The following NBEA variants were observed in gnomAD, a reference collection of about 807,000 sequenced individuals.
The protein encoded by NBEA is neurobeachin.
In NBEA, 44 loss-of-function variants were observed where a neutral mutation model predicts 343.4. The observed-to-expected ratio is 0.13, with a 90% CI of 0.10 to 0.16. The LOEUF (loss-of-function observed/expected upper bound fraction) is 0.16, where lower values mean the gene tolerates loss of function less well. NBEA is among the 10% of genes least tolerant of loss of function. The pLI is 1.00. For missense variants in NBEA, 2,555 were observed against 3,631.3 expected, an observed-to-expected ratio of 0.70 and a Z score of 7.62; for synonymous variants, 1,175 against 1,238.7, an observed-to-expected ratio of 0.95 and a Z score of 1.08.
intron 47 of NBEA, among the ~76,000 whole-genome samples, chr13:35,599,132 C>G (rs2081937920): frequency 6.6e-6 from 1 of 152,110 alleles, no homozygotes; most frequent in South Asian, 2.1e-4. Flanking sequence ...GGGACTGCTT[C>G]CAATAACAAC....
intron 48 of NBEA, among the ~76,000 whole-genome samples, chr13:35,614,328 C>T (rs775794869): frequency 1.4e-4 from 22 of 152,132 alleles, no homozygotes; most frequent in Non-Finnish European, 2.6e-4. Flanking sequence ...TCAAGTTTAT[C>T]ATCCTGAGTA....
At chr13:35,481,104 G>C (rs917256160) in intron 41 of NBEA, among the ~76,000 whole-genome samples, 1 of 151,886 alleles carries the variant, frequency 6.6e-6, no homozygotes, top group African/African-American at 2.4e-5. Context: ...ACTGATAAAG[G>C]CCTTTGCCTC....
rs186590148 is a variant in NBEA at position 35,129,433 on chromosome 13, C to G, written c.2336+5859C>G. 2.7e-3 allele frequency among the ~76,000 whole-genome samples: 404 copies of G among 150,664 alleles called. 3 individuals carry two copies. Among genetic ancestry groups the G allele is most frequent in the South Asian group, 0.021 (98 of 4,722 alleles). The stretch of plus-strand genomic sequence containing the variant: ...AAAACAAGGTAATTTAAAAATAAAC[C>G]ATGTAATTAAAAAAACCCTAAGTAA... On this transcript the variant is annotated intron_variant, in intron 17 of 58. Transcript: ENST00000379939.
intron 41 of NBEA, chr13:35,475,244 G>A (rs776765864): frequency 1.2e-6 from 2 of 1,613,940 alleles, no homozygotes; most frequent in Non-Finnish European, 1.7e-6. Context: ...CCGTTCAGCC[G>A]ATCACCCAGG....
At chr13:35,055,576 T>C (rs138564834) in intron 6 of NBEA, among the ~76,000 whole-genome samples, 109 of 152,294 alleles carry the variant, frequency 7.2e-4, no homozygotes, top group Non-Finnish European at 1.5e-3. Context: ...GTTCTTTTTC[T>C]CTTCACTGTA....
intron 38 of NBEA, among the ~76,000 whole-genome samples, chr13:35,431,813 C>T (rs1055952407): frequency 1.3e-5 from 2 of 152,096 alleles, no homozygotes; most frequent in African/African-American, 2.4e-5. Context: ...ATATTTTATA[C>T]TTCTTAATTC....
intron 1 of NBEA, among the ~76,000 whole-genome samples, chr13:35,006,529 A>G (rs1300249917): frequency 5.4e-5 from 8 of 147,046 alleles, no homozygotes; most frequent in African/African-American, 1.9e-4. Flanking sequence ...AGATTTATCC[A>G]TGTGTTTTTC....
At chr13:35,583,455 C>A (rs143836538) in intron 45 of NBEA, among the ~76,000 whole-genome samples, 114 of 152,290 alleles carry the variant, frequency 7.5e-4, no homozygotes, top group African/African-American at 2.6e-3. Context: ...TTGTCTTTCA[C>A]ACTCTGGGTA....
chr13:34,972,138 T>C (rs1358864573), intron 1 of NBEA, among the ~76,000 whole-genome samples: 2 of 152,198 alleles, frequency 1.3e-5, no homozygotes, highest in Admixed American at 1.3e-4. Flanking sequence ...TAGAGGTGTT[T>C]ATAATATTCT....
intron 18 of NBEA, among the ~76,000 whole-genome samples, chr13:35,147,224 CCAGATGACAGATTGTTAG>C (rs1221270065): frequency 6.6e-6 from 1 of 152,176 alleles, no homozygotes; most frequent in Non-Finnish European, 1.5e-5. Context: ...TTCAGAGTCC[CCAGATGACAGATTGTTAG>C]CATAAGCCTG....
chr13:35,508,083 A>G (rs2077139427), intron 41 of NBEA, among the ~76,000 whole-genome samples: 1 of 152,184 alleles, frequency 6.6e-6, no homozygotes, highest in South Asian at 2.1e-4. Flanking sequence ...AGATGAAGAA[A>G]TAGAGACTCA....
chr13:35,038,047 G>A (rs1186042738), intron 1 of NBEA, among the ~76,000 whole-genome samples: 2 of 152,076 alleles, frequency 1.3e-5, no homozygotes, highest in Non-Finnish European at 2.9e-5. Context: ...TTGTATTGTG[G>A]CTGAGCTGGC....
At chr13:35,589,816 G>T (rs1257878080) in intron 46 of NBEA, among the ~76,000 whole-genome samples, 1 of 152,090 alleles carries the variant, frequency 6.6e-6, no homozygotes, top group South Asian at 2.1e-4. Context: ...TGCAGGCAAG[G>T]TGAGTTTTCC....
chr13:35,514,527 C>T (rs1437937492), intron 41 of NBEA, among the ~76,000 whole-genome samples: 1 of 152,008 alleles, frequency 6.6e-6, no homozygotes, highest in Non-Finnish European at 1.5e-5. Flanking sequence ...GTCTTGAACT[C>T]TTGATGCAAA....
intron 36 of NBEA, among the ~76,000 whole-genome samples, chr13:35,336,170 A>G (rs2039244826): frequency 6.6e-6 from 1 of 152,098 alleles, no homozygotes; most frequent in African/African-American, 2.4e-5. Context: ...GTTAAGAAAA[A>G]TCACTCATCA....
chr13:35,237,220 A>C (rs2075280439), intron 34 of NBEA, among the ~76,000 whole-genome samples: 1 of 151,990 alleles, frequency 6.6e-6, no homozygotes. Flanking sequence ...GTACCACTGC[A>C]CTCCAGCCTG....
In NBEA at chr13:35,561,350, T is replaced by A. The variant is rs189799473; in HGVS notation, c.6923-5555T>A. Among the ~76,000 whole-genome samples, 145 of 152,290 alleles carry A rather than the reference T, an allele frequency of 9.5e-4. 1 individual carries two copies. Among genetic ancestry groups the A allele is most frequent in the Non-Finnish European group, 1.8e-3 (120 of 68,016 alleles). Reference sequence around the variant, plus strand: ...AACGTCTTGGATTAAAGAGAAGTGTTACAGAATTGGAATCTGGTTGACAAG... The same window carrying A: ...AACGTCTTGGATTAAAGAGAAGTGTAACAGAATTGGAATCTGGTTGACAAG... On this transcript the variant is annotated intron_variant, in intron 44 of 58. Transcript: ENST00000379939.
rs1001873192 is a variant in NBEA at position 35,671,745 on chromosome 13, T to G, written c.*754T>G. The G allele has an allele frequency of 6.5e-6, 1 of 152,676 alleles. No homozygotes were observed. The highest frequency in any genetic ancestry group is 1.5e-5 in the Non-Finnish European group (1 of 68,044). 9.5% of individuals were successfully genotyped at this position (152,676 alleles called of 1,614,324 possible). ...GGATACTAAGCCATTATTTGCCATT[T>G]TGGGTACTTTATACAAAGAAAATTC... On this transcript the variant is annotated 3_prime_UTR_variant, in exon 59 of 59. Transcript: ENST00000379939.
chr13:34,971,354 A>C (rs943791101), intron 1 of NBEA, among the ~76,000 whole-genome samples: 2 of 152,002 alleles, frequency 1.3e-5, no homozygotes, highest in African/African-American at 4.8e-5. Context: ...TTCCTATCTG[A>C]ATGCCCTTTA....
Sources: gnomAD v4.1 joint callset for allele counts (sites outside exome capture counted in the v4.1 genomes callset) on GRCh38, gnomAD v4.1.1 for gene constraint, MANE v1.5 for transcripts, NCBI Gene and HGNC (gene_info 2026-07-23, HGNC 2026-07-21) for gene names.